Variants in WDR72 observed in about 807,000 individuals in gnomAD.
WDR72 encodes the protein WD repeat-containing protein 72.
A neutral mutation model predicts 124.2 loss-of-function variants in WDR72; 120 were observed. That is an observed-to-expected ratio of 0.97 (90% CI 0.83 to 1.12). WDR72 has a LOEUF of 1.12. Among genes scored for constraint, WDR72 ranks in the 50% most tolerant of loss-of-function variants. The pLI is 0.00. For missense variants in WDR72, 1,387 were observed against 1,278.8 expected (o/e 1.08, Z -1.29); for synonymous variants, 452 against 441.7 (o/e 1.02, Z -0.29).
intron 14 of WDR72, among the ~76,000 whole-genome samples, chr15:53,619,407 T>C (rs1480685629): frequency 6.6e-6 from 1 of 151,944 alleles, no homozygotes; most frequent in East Asian, 1.9e-4. Flanking sequence ...TAGGGCCCTC[T>C]TTAAACAAAA....
intron 3 of WDR72, among the ~76,000 whole-genome samples, chr15:53,717,609 G>T (rs1344014994): frequency 6.6e-6 from 1 of 152,004 alleles, no homozygotes; most frequent in Non-Finnish European, 1.5e-5. Flanking sequence ...ACATTCCAAG[G>T]ACACTTGGTA....
chr15:53,748,482 T>G (rs555718670), intron 1 of WDR72, among the ~76,000 whole-genome samples: 8 of 152,310 alleles, frequency 5.3e-5, no homozygotes, highest in Admixed American at 5.2e-4. Context: ...AAGAAATACT[T>G]GTCTATTAAC....
At chr15:53,712,178 T>G (rs1010547320) in intron 7 of WDR72, among the ~76,000 whole-genome samples, 1 of 152,248 alleles carries the variant, frequency 6.6e-6, no homozygotes, top group Non-Finnish European at 1.5e-5. Flanking sequence ...ATTGTTATTA[T>G]GGTTTGTTAC....
At chr15:53,640,790 T>C (rs553031434) in intron 14 of WDR72, among the ~76,000 whole-genome samples, 12 of 152,206 alleles carry the variant, frequency 7.9e-5, no homozygotes, top group Admixed American at 7.9e-4. Flanking sequence ...TAAAGACTAG[T>C]TGTATTTTTC....
At chr15:53,591,125 T>C (rs1179693582) in intron 18 of WDR72, among the ~76,000 whole-genome samples, 1 of 151,994 alleles carries the variant, frequency 6.6e-6, no homozygotes, top group Admixed American at 6.6e-5. Context: ...GCTCCCAGTT[T>C]AGGCAACTTT....
intron 18 of WDR72, among the ~76,000 whole-genome samples, chr15:53,590,686 C>G (rs751082153): frequency 6.6e-5 from 10 of 152,014 alleles, no homozygotes; most frequent in African/African-American, 1.4e-4. Context: ...TGATTCCCCG[C>G]TCTGCCACTT....
intron 18 of WDR72, among the ~76,000 whole-genome samples, chr15:53,529,164 A>ATATATTTTTTTTTTTTT (rs59003623): frequency 3.8e-5 from 3 of 78,168 alleles, no homozygotes; most frequent in African/African-American, 1.5e-4. Context: ...ATATATATAT[A>ATATATTTTTTTTTTTTT]TTTTTTTTTT....
intron 18 of WDR72, among the ~76,000 whole-genome samples, chr15:53,575,683 G>C (rs1037681801): frequency 2.0e-5 from 3 of 152,106 alleles, no homozygotes; most frequent in Non-Finnish European, 4.4e-5. Flanking sequence ...AGAAAGATTA[G>C]ATCATGTGTG....
intron 18 of WDR72, among the ~76,000 whole-genome samples, chr15:53,551,564 G>A (rs983529607): frequency 2.0e-5 from 3 of 152,060 alleles, no homozygotes; most frequent in Admixed American, 1.3e-4. Context: ...TAAATAACCT[G>A]GAGACATTTA....
At chr15:53,740,710 A>G (rs1227550251) in intron 1 of WDR72, among the ~76,000 whole-genome samples, 2 of 152,240 alleles carry the variant, frequency 1.3e-5, no homozygotes, top group Non-Finnish European at 2.9e-5. Flanking sequence ...GACAAAATAA[A>G]TATTGGTTGA....
chr15:53,595,063 T>C (rs1459120614), intron 18 of WDR72, among the ~76,000 whole-genome samples: 2 of 152,156 alleles, frequency 1.3e-5, no homozygotes, highest in Non-Finnish European at 2.9e-5. Context: ...CAGCATTTTG[T>C]GAATATGTTC....
rs557520879 is a variant in WDR72 at position 53,520,532 on chromosome 15, T to C, written c.3253+2686A>G. Among the ~76,000 whole-genome samples the C allele has an allele frequency of 2.0e-5, 3 of 152,198 alleles. No individual in the cohort carries two copies. In the South Asian group the frequency reaches 6.2e-4, roughly 32 times the overall value. On this transcript the variant is annotated intron_variant, in intron 19 of 19. Transcript: ENST00000360509. ...GTGACTAAGGAATACACTAATGCAA[T>C]TGTAAGTTTAGCTACTGAAGCACCT...
At chr15:53,733,703 A>G (rs1233037934) in intron 1 of WDR72, among the ~76,000 whole-genome samples, 1 of 152,190 alleles carries the variant, frequency 6.6e-6, no homozygotes, top group Non-Finnish European at 1.5e-5. Flanking sequence ...TTTAATAATA[A>G]TTTTTATTTT....
chr15:53,754,565 C>A (rs998051759), intron 1 of WDR72, among the ~76,000 whole-genome samples: 1 of 152,006 alleles, frequency 6.6e-6, no homozygotes, highest in African/African-American at 2.4e-5. Context: ...AAATTCTGTC[C>A]CTAGGGCATA....
At chr15:53,590,958 T>C (rs772124595) in intron 18 of WDR72, among the ~76,000 whole-genome samples, 1 of 152,020 alleles carries the variant, frequency 6.6e-6, no homozygotes, top group African/African-American at 2.4e-5. Flanking sequence ...TAAAGATGCA[T>C]GGGTTTCTTG....
intron 13 of WDR72, among the ~76,000 whole-genome samples, chr15:53,669,048 A>C (rs1381828364): frequency 8.1e-6 from 1 of 123,706 alleles, no homozygotes. Context: ...AAGAAGGGGA[A>C]GGGGAGGGGA....
rs182876327 is a variant in WDR72, at chr15:53,624,260, C to T, written c.1963-8017G>A. 7.2e-4 allele frequency among the ~76,000 whole-genome samples: 110 copies of T among 152,280 alleles called. 1 individual carries two copies. The highest frequency in any genetic ancestry group is 2.6e-3 in the African/African-American group (108 of 41,556). On this transcript the variant is annotated intron_variant, in intron 14 of 19. Coordinates refer to ENST00000360509, the MANE Select transcript of WDR72 (RefSeq NM_182758.4). ...GCCAGGTTACATAGATCCGTATAAA[C>T]TCTACTGACTACTAAATGCATTCTA...
intron 18 of WDR72, among the ~76,000 whole-genome samples, chr15:53,531,232 CAT>C (rs1892447806): frequency 6.6e-6 from 1 of 152,020 alleles, no homozygotes; most frequent in South Asian, 2.1e-4. Context: ...TACTTAAAAA[CAT>C]ATTGAGATTG....
chr15:53,625,613 G>A (rs1053923840), intron 14 of WDR72, among the ~76,000 whole-genome samples: 13 of 152,152 alleles, frequency 8.5e-5, no homozygotes, highest in African/African-American at 2.9e-4. Context: ...CAAAGACTTT[G>A]GGAAAAGATA....
Sources: allele counts gnomAD v4.1 joint callset (sites outside exome capture counted in the v4.1 genomes callset), GRCh38; gene constraint gnomAD v4.1.1; transcripts MANE v1.5; gene names NCBI Gene and HGNC (gene_info 2026-07-23, HGNC 2026-07-21).